CCDC85A: variants seen among roughly 807,000 people sequenced by gnomAD.
CCDC85A encodes coiled-coil domain-containing protein 85A.
CCDC85A carries 38 observed loss-of-function variants against 50.2 expected under a neutral mutation model. The observed-to-expected ratio is 0.76, with a 90% CI of 0.58 to 0.99. The LOEUF is 0.99. Ranked by LOEUF, CCDC85A falls within the 50% of genes least tolerant of loss-of-function variation. The pLI, the probability that CCDC85A is intolerant of heterozygous loss-of-function variation, is 0.00. For missense variants in CCDC85A, 820 were observed against 742.0 expected, an observed-to-expected ratio of 1.11 and a Z score of -1.22; for synonymous variants, 366 against 301.4, an observed-to-expected ratio of 1.21 and a Z score of -2.22.
At chr2:56,342,128 C>G (rs1392317022) in intron 2 of CCDC85A, among the ~76,000 whole-genome samples, 1 of 151,476 alleles carries the variant, frequency 6.6e-6, no homozygotes, top group African/African-American at 2.4e-5. Flanking sequence ...CTTCAAGATG[C>G]CTATTATTCT....
chr2:56,192,144 A>T lies in CCDC85A; in HGVS notation c.277-333A>T, dbSNP rs116477954. On this transcript the variant is annotated intron_variant, in intron 1 of 5. Transcript: ENST00000407595. This position sits in a 1 kb window ranked among gnomAD's most constrained non-coding sequence, Gnocchi z 4.7. ...CCCTAAATGTTTGGGTAAAAATTGG[A>T]TGACATAATGCAAGTAAAGTATTGT... 5.1e-3 allele frequency among the ~76,000 whole-genome samples: 773 copies of T among 152,298 alleles called. 13 individuals carry two copies. Among genetic ancestry groups the T allele is most frequent in the Non-Finnish European group, 2.7e-3 (184 of 68,034 alleles).
At chr2:56,364,538 C>G (rs1451312031) in intron 3 of CCDC85A, among the ~76,000 whole-genome samples, 1 of 152,074 alleles carries the variant, frequency 6.6e-6, no homozygotes, top group African/African-American at 2.4e-5. Context: ...CAGGAGAAAA[C>G]CTTTTGGAGG....
chr2:56,257,035 A>C (rs542192341), intron 2 of CCDC85A, among the ~76,000 whole-genome samples: 1 of 152,324 alleles, frequency 6.6e-6, no homozygotes, highest in South Asian at 2.1e-4. Context: ...TGCCCTTCTG[A>C]TACCATGAAT....
chr2:56,306,359 C>T (rs1309184496), intron 2 of CCDC85A, among the ~76,000 whole-genome samples: 1 of 152,104 alleles, frequency 6.6e-6, no homozygotes. Context: ...AACTCCTGAC[C>T]TCAGGTGGTC....
chr2:56,331,675 G>A (rs1036187831), intron 2 of CCDC85A, among the ~76,000 whole-genome samples: 6 of 152,024 alleles, frequency 3.9e-5, no homozygotes, highest in African/African-American at 1.4e-4. Flanking sequence ...AGTTTTAGAT[G>A]TTCATTTATT....
At chr2:56,335,955 G>C (rs1674051468) in intron 2 of CCDC85A, among the ~76,000 whole-genome samples, 1 of 151,952 alleles carries the variant, frequency 6.6e-6, no homozygotes, top group African/African-American at 2.4e-5. Flanking sequence ...GAGCCCTCAT[G>C]GCCTAGTCAC....
At chr2:56,371,612 C>T (rs1428524224) in intron 3 of CCDC85A, among the ~76,000 whole-genome samples, 1 of 151,978 alleles carries the variant, frequency 6.6e-6, no homozygotes, top group African/African-American at 2.4e-5. Context: ...CTAATAAGTT[C>T]ATTTTGTTTC....
chr2:56,292,860 A>C (rs1025350472), intron 2 of CCDC85A, among the ~76,000 whole-genome samples: 1 of 152,188 alleles, frequency 6.6e-6, no homozygotes, highest in Non-Finnish European at 1.5e-5. Flanking sequence ...GCTGAACATG[A>C]GATAGTGTGC....
intron 2 of CCDC85A, among the ~76,000 whole-genome samples, chr2:56,310,065 A>T (rs1003256456): frequency 6.6e-6 from 1 of 152,130 alleles, no homozygotes; most frequent in Non-Finnish European, 1.5e-5. Flanking sequence ...GGAACTAAAG[A>T]CCTAAATAAA....
intron 3 of CCDC85A, among the ~76,000 whole-genome samples, chr2:56,346,346 T>C (rs2104332001): frequency 6.6e-6 from 1 of 152,266 alleles, no homozygotes; most frequent in African/African-American, 2.4e-5. Flanking sequence ...GGCTCAGGGG[T>C]AAATAAAGGC....
intron 5 of CCDC85A, among the ~76,000 whole-genome samples, chr2:56,380,089 A>C (rs1434810934): frequency 1.3e-5 from 2 of 152,170 alleles, no homozygotes; most frequent in Non-Finnish European, 2.9e-5. Flanking sequence ...AGACTCTACA[A>C]ACATTTGCTA....
intron 2 of CCDC85A, among the ~76,000 whole-genome samples, chr2:56,259,163 G>C (rs1670113397): frequency 6.6e-6 from 1 of 152,170 alleles, no homozygotes; most frequent in Non-Finnish European, 1.5e-5. Flanking sequence ...AAAGAGCAAG[G>C]AACTTGACAG....
chr2:56,320,798 A>G (rs1201239231), intron 2 of CCDC85A, among the ~76,000 whole-genome samples: 1 of 152,144 alleles, frequency 6.6e-6, no homozygotes, highest in Non-Finnish European at 1.5e-5. Context: ...TATGAGGCCA[A>G]CATCATCCTG....
intron 1 of CCDC85A, among the ~76,000 whole-genome samples, chr2:56,191,121 C>T (rs1405395021): frequency 2.0e-5 from 3 of 152,214 alleles, no homozygotes; most frequent in Non-Finnish European, 4.4e-5. Flanking sequence ...GGATCATCTT[C>T]ACTCAAATGT....
chr2:56,222,287 A>G (rs1464184025), intron 2 of CCDC85A, among the ~76,000 whole-genome samples: 1 of 152,164 alleles, frequency 6.6e-6, no homozygotes, highest in Non-Finnish European at 1.5e-5. Context: ...TTAAAAAATG[A>G]TTCCCAATTT....
At chr2:56,332,508 G>A (rs958302554) in intron 2 of CCDC85A, among the ~76,000 whole-genome samples, 4 of 152,016 alleles carry the variant, frequency 2.6e-5, no homozygotes, top group African/African-American at 9.7e-5. Flanking sequence ...ATCTCTTAAG[G>A]GCTCCGTCTC....
At chr2:56,340,052 A>G (rs1469297227) in intron 2 of CCDC85A, among the ~76,000 whole-genome samples, 2 of 152,140 alleles carry the variant, frequency 1.3e-5, no homozygotes, top group South Asian at 2.1e-4. Context: ...ATTGTCTCCA[A>G]TGGTGTGAGG....
intron 2 of CCDC85A, among the ~76,000 whole-genome samples, chr2:56,313,822 A>G (rs1672799565): frequency 6.7e-6 from 1 of 149,254 alleles, no homozygotes; most frequent in East Asian, 1.9e-4. Context: ...AGTACCAGGT[A>G]CTCACAGGGA....
chr2:56,195,726 G>C (rs189328345), intron 2 of CCDC85A, among the ~76,000 whole-genome samples: 1 of 152,158 alleles, frequency 6.6e-6, no homozygotes, highest in Admixed American at 6.5e-5. Context: ...GCAGTATCAA[G>C]GTTAATTCAG....
Sources: allele counts gnomAD v4.1 joint callset (sites outside exome capture counted in the v4.1 genomes callset), GRCh38; gene constraint gnomAD v4.1.1; non-coding constraint Gnocchi (gnomAD v3.1); transcripts MANE v1.5; gene names NCBI Gene and HGNC (gene_info 2026-07-23, HGNC 2026-07-21).